The following OR5M11 variants were observed in gnomAD, a reference collection of about 807,000 sequenced individuals.
The protein encoded by OR5M11 is olfactory receptor 5M11.
For synonymous variants in OR5M11, 183 were observed against 147.7 expected (o/e 1.24, Z -1.73); for missense variants, 411 against 375.8 (o/e 1.09, Z -0.77).
chr11:56,542,725 C>T lies in OR5M11; in HGVS notation c.533G>A (p.Cys178Tyr). The T allele has an allele frequency of 6.2e-7, 1 of 1,613,756 alleles. No individual in the cohort carries two copies. Among genetic ancestry groups the T allele is most frequent in the Non-Finnish European group, 8.5e-7 (1 of 1,179,852 alleles). Reference sequence around the variant, plus strand: ...AAGCTTAATGAGCGGCGGGTCAGCACAGTAGAAGTGGTTGATGACACTGGA... The same window carrying T: ...AAGCTTAATGAGCGGCGGGTCAGCATAGTAGAAGTGGTTGATGACACTGGA... ...CRSSVINHFY[C>Y]ADPPLIKLSC... The change falls in exon 1 of 1, where the codon TGT (cysteine) becomes TAT (tyrosine). Residue 178 changes from cysteine (C) to tyrosine (Y), a missense_variant. Cys to Tyr is a radical substitution (Grantham distance 194). Coordinates refer to ENST00000528616, the MANE Select transcript of OR5M11 (RefSeq NM_001005245.1).
At position 56,542,858 on chromosome 11, in the gene OR5M11, T is replaced by A. The variant is rs918269870; in HGVS notation, c.400A>T (p.Lys134Ter). 1 of 1,613,892 alleles carries A rather than the reference T, an allele frequency of 6.2e-7. No individual in the cohort carries two copies. The highest frequency in any genetic ancestry group is 1.3e-5 in the African/African-American group (1 of 74,898). Residue 134 changes from lysine to a stop codon, truncating the protein, a stop_gained, in exon 1 of 1, where the codon AAA (lysine) becomes TAA (stop). Transcript: ENST00000528616. LOFTEE classifies it low-confidence loss of function (END_TRUNC). ...CAGATGCAAACTCTCCTGGACGTTT[T>A]CACACTGTAGCGCAGAGGGTCATAT... is the stretch of plus-strand genomic sequence containing the variant. The part of the protein sequence containing the change: ...AIYDPLRYSV[K>*]TSRRVCICLA...
At position 56,542,352 on chromosome 11, in the gene OR5M11, A is replaced by G; in HGVS notation, c.906T>C (p.Asn302=). 1.9e-6 allele frequency: 3 copies of G among 1,586,866 alleles called. No individual in the cohort carries two copies. The South Asian group carries it at 3.4e-5, about 18-fold the overall frequency. Residue 302 remains asparagine, a synonymous_variant, in exon 1 of 1, where the codon AAT becomes AAC. Coordinates refer to ENST00000528616, the MANE Select transcript of OR5M11 (RefSeq NM_001005245.1). ...TCATGACAATATTTCATCTCAGGAC[A>G]TTCTTCAAGGCCTGCTTCACATCTT... The part of the protein sequence containing the change: ...RNKDVKQALK[N]VLR
Position 56,542,475 on chromosome 11 carries a change from T to G in OR5M11, c.783A>C (p.Pro261=), listed in dbSNP as rs2134898054. ...YGTLFCMYIR[P]PTDKTVEESK... ...ATTCCTCAACAGTCTTATCTGTTGG[T>G]GGTCTTATATACATGCAAAAGAGAG... is the stretch of plus-strand genomic sequence containing the variant. The change falls in exon 1 of 1, where the codon CCA becomes CCC. Residue 261 remains proline, a synonymous_variant. Coordinates refer to ENST00000528616, the MANE Select transcript of OR5M11 (RefSeq NM_001005245.1). 6.2e-7 allele frequency: 1 copy of G among 1,613,760 alleles called. No homozygotes were observed. Among genetic ancestry groups the G allele is most frequent in the East Asian group, 2.2e-5 (1 of 44,868 alleles).
At position 56,542,642 on chromosome 11, in the gene OR5M11, G is replaced by A. The variant is rs1001565587; in HGVS notation, c.616C>T (p.Leu206Phe). The A allele has an allele frequency of 1.2e-6, 2 of 1,613,956 alleles. No homozygotes were observed. Among genetic ancestry groups the A allele is most frequent in the Non-Finnish European group, 1.7e-6 (2 of 1,179,886 alleles). ...HAMFISAGFN[L>F]SSSLTIVLVS... ...AAGACGATGGTGAGGGAGCTGGAGA[G>A]GTTGAAGCCAGCAGATATGAACATG... Residue 206 changes from leucine to phenylalanine, a missense_variant, in exon 1 of 1, where the codon CTC becomes TTC. Transcript: ENST00000528616.
Position 56,542,392 on chromosome 11 carries a change from T to A in OR5M11, c.866A>T (p.Tyr289Phe). 1 of 1,612,892 alleles carries A rather than the reference T, an allele frequency of 6.2e-7. No homozygotes were observed. The highest frequency in any genetic ancestry group is 1.7e-4 in the Middle Eastern group (1 of 6,046). ...FVSPVLNPLI[Y>F]SLRNKDVKQA... ...CTTCACATCTTTATTCCTCAGACTG[T>A]AGATCAATGGATTAAGTACCGGACT... Residue 289 changes from tyrosine to phenylalanine, a missense_variant, in exon 1 of 1, where the codon TAC (tyrosine) becomes TTC (phenylalanine). By Grantham distance (22) the Tyr-to-Phe change is conservative (BLOSUM62 3). Transcript: ENST00000528616.
In OR5M11 at chr11:56,542,526, C is replaced by G. The variant is rs779774726; in HGVS notation, c.732G>C (p.Met244Ile). Residue 244 changes from methionine to isoleucine, a missense_variant, in exon 1 of 1, where the codon ATG becomes ATC. Met to Ile is a conservative substitution (Grantham distance 10, BLOSUM62 1). Coordinates refer to ENST00000528616, the MANE Select transcript of OR5M11 (RefSeq NM_001005245.1). ...TCCCATAAAACAGGGTGACAGCCATCATATGGGAACCACAGGTGGAGAATG... is the reference window on the plus strand; with the variant it reads ...TCCCATAAAACAGGGTGACAGCCATGATATGGGAACCACAGGTGGAGAATG... ...HKAFSTCGSH[M>I]MAVTLFYGTL... The G allele has an allele frequency of 2.1e-5, 34 of 1,613,956 alleles. No homozygotes were observed. The highest frequency in any genetic ancestry group is 2.7e-5 in the Non-Finnish European group (32 of 1,179,864).
rs762943861 is a variant in OR5M11, at chr11:56,542,770, A to T, written c.488T>A (p.Phe163Tyr). Reference protein sequence around the residue: ...SDGLFQAILTFRLTFCRSSVI... With the variant: ...SDGLFQAILTYRLTFCRSSVI... Reference sequence around the variant, plus strand: ...ACTGGATCTACAGAAGGTCAGGCGGAAGGTCAGGATGGCCTGGAAGAGTCC... The same window carrying T: ...ACTGGATCTACAGAAGGTCAGGCGGTAGGTCAGGATGGCCTGGAAGAGTCC... Residue 163 changes from phenylalanine to tyrosine, a missense_variant, in exon 1 of 1, where the codon TTC becomes TAC. Transcript: ENST00000528616. 2 of 1,613,754 alleles carry T rather than the reference A, an allele frequency of 1.2e-6. No homozygotes were observed. The highest frequency in any genetic ancestry group is 1.7e-6 in the Non-Finnish European group (2 of 1,179,868).
Position 56,542,760 on chromosome 11 carries a change from G to A in OR5M11, c.498C>T (p.Thr166=). 16 of 1,613,680 alleles carry A rather than the reference G, an allele frequency of 9.9e-6. No individual in the cohort carries two copies. Among genetic ancestry groups the A allele is most frequent in the East Asian group, 2.2e-5 (1 of 44,868 alleles). ...LFQAILTFRL[T]FCRSSVINHF... is the part of the protein sequence containing the mutation. ...GGTTGATGACACTGGATCTACAGAA[G>A]GTCAGGCGGAAGGTCAGGATGGCCT... Residue 166 remains threonine (T), a synonymous_variant, in exon 1 of 1, where the codon ACC becomes ACT. Coordinates refer to ENST00000528616, the MANE Select transcript of OR5M11 (RefSeq NM_001005245.1).
rs2134898356 is a variant in OR5M11, at chr11:56,542,605, G to A, written c.653C>T (p.Ala218Val). ...SSLTIVLVSY[A>V]FILAAILRIK... is the part of the protein sequence containing the mutation. ...CCGGAGGATGGCAGCAAGAATGAAGGCATAGGACACCAAGACGATGGTGAG... is the reference window on the plus strand; with the variant it reads ...CCGGAGGATGGCAGCAAGAATGAAGACATAGGACACCAAGACGATGGTGAG... The change falls in exon 1 of 1, where the codon GCC becomes GTC. Residue 218 changes from alanine to valine, a missense_variant. Coordinates refer to ENST00000528616, the MANE Select transcript of OR5M11 (RefSeq NM_001005245.1). The A allele has an allele frequency of 6.2e-7, 1 of 1,613,998 alleles. No individual in the cohort carries two copies. Among genetic ancestry groups the A allele is most frequent in the Non-Finnish European group, 8.5e-7 (1 of 1,179,892 alleles).
chr11:56,543,029 C>T lies in OR5M11; in HGVS notation c.229G>A (p.Ala77Thr). The change falls in exon 1 of 1, where the codon GCA becomes ACA. Residue 77 changes from alanine (A) to threonine (T), a missense_variant. Physicochemically the swap from Ala to Thr is moderately conservative, Grantham distance 58. Coordinates refer to ENST00000528616, the MANE Select transcript of OR5M11 (RefSeq NM_001005245.1). ...AFVDLCYTSNATPQMSTNIVS... is the reference protein window; with the variant it reads ...AFVDLCYTSNTTPQMSTNIVS... ...ATATTAGTCGACATCTGCGGGGTTG[C>T]ATTTGATGTATAGCACAAATCCACA... 1 of 1,613,858 alleles carries T rather than the reference C, an allele frequency of 6.2e-7. No homozygotes were observed. Among genetic ancestry groups the T allele is most frequent in the Non-Finnish European group, 8.5e-7 (1 of 1,179,802 alleles).
chr11:56,542,497 A>G lies in OR5M11; in HGVS notation c.761T>C (p.Leu254Pro). ...MMAVTLFYGT[L>P]FCMYIRPPTD... is the part of the protein sequence containing the mutation. ...TGGTGGTCTTATATACATGCAAAAG[A>G]GAGTCCCATAAAACAGGGTGACAGC... Residue 254 changes from leucine (L) to proline (P), a missense_variant, in exon 1 of 1, where the codon CTC becomes CCC. Physicochemically the swap from Leu to Pro is moderately conservative, Grantham distance 98. Coordinates refer to ENST00000528616, the MANE Select transcript of OR5M11 (RefSeq NM_001005245.1). 1.9e-6 allele frequency: 3 copies of G among 1,614,016 alleles called. No individual in the cohort carries two copies. The highest frequency in any genetic ancestry group is 2.5e-6 in the Non-Finnish European group (3 of 1,179,868).
At position 56,542,787 on chromosome 11, in the gene OR5M11, G is replaced by A. The variant is rs1852852804; in HGVS notation, c.471C>T (p.Phe157=). ...TCAGGCGGAAGGTCAGGATGGCCTG[G>A]AAGAGTCCATCTGAGAAGCCATAGA... ...PYVYGFSDGL[F]QAILTFRLTF... Residue 157 remains phenylalanine (F), a synonymous_variant, in exon 1 of 1, where the codon TTC becomes TTT. Transcript: ENST00000528616. 1 of 1,613,622 alleles carries A rather than the reference G, an allele frequency of 6.2e-7. No individual in the cohort carries two copies.
chr11:56,542,397 C>T lies in OR5M11; in HGVS notation c.861G>A (p.Leu287=). ...CATCTTTATTCCTCAGACTGTAGAT[C>T]AATGGATTAAGTACCGGACTCACAA... ...YTFVSPVLNP[L]IYSLRNKDVK... The change falls in exon 1 of 1, where the codon TTG becomes TTA. Residue 287 remains leucine, a synonymous_variant. Coordinates refer to ENST00000528616, the MANE Select transcript of OR5M11 (RefSeq NM_001005245.1). The T allele has an allele frequency of 1.2e-6, 2 of 1,612,946 alleles. No homozygotes were observed. The highest frequency in any genetic ancestry group is 1.1e-5 in the South Asian group (1 of 90,914).
In OR5M11 at chr11:56,542,553, C is replaced by T; in HGVS notation, c.705G>A (p.Lys235=). 1.2e-6 allele frequency: 2 copies of T among 1,613,940 alleles called. No homozygotes were observed. Among genetic ancestry groups the T allele is most frequent in the Non-Finnish European group, 1.7e-6 (2 of 1,179,866 alleles). Reference sequence around the variant, plus strand: ...TATGGGAACCACAGGTGGAGAATGCCTTGTGCCTTCCCTCTGCTGATTTGA... The same window carrying T: ...TATGGGAACCACAGGTGGAGAATGCTTTGTGCCTTCCCTCTGCTGATTTGA... ...LRIKSAEGRH[K]AFSTCGSHMM... Residue 235 remains lysine (K), a synonymous_variant, in exon 1 of 1, where the codon AAG becomes AAA. Coordinates refer to ENST00000528616, the MANE Select transcript of OR5M11 (RefSeq NM_001005245.1).
At position 56,542,875 on chromosome 11, in the gene OR5M11, G is replaced by T. The variant is rs746722326; in HGVS notation, c.383C>A (p.Pro128His). The change falls in exon 1 of 1, where the codon CCT (proline) becomes CAT (histidine). Residue 128 changes from proline to histidine, a missense_variant. Coordinates refer to ENST00000528616, the MANE Select transcript of OR5M11 (RefSeq NM_001005245.1). Reference protein sequence around the residue: ...AYDRYVAIYDPLRYSVKTSRR... With the variant: ...AYDRYVAIYDHLRYSVKTSRR... ...GGACGTTTTCACACTGTAGCGCAGAGGGTCATATATGGCCACATAGCGGTC... is the reference window on the plus strand; with the variant it reads ...GGACGTTTTCACACTGTAGCGCAGATGGTCATATATGGCCACATAGCGGTC... The T allele has an allele frequency of 1.2e-6, 2 of 1,614,054 alleles. No homozygotes were observed. The highest frequency in any genetic ancestry group is 2.2e-5 in the East Asian group (1 of 44,882).
rs1852863800 is a variant in OR5M11 at position 56,543,243 on chromosome 11, A to G, written c.15T>C (p.Asn5=). 2 of 1,612,744 alleles carry G rather than the reference A, an allele frequency of 1.2e-6. No homozygotes were observed. Among genetic ancestry groups the G allele is most frequent in the Admixed American group, 1.7e-5 (1 of 59,990 alleles). Reference sequence around the variant, plus strand: ...AAATGAATTCTGTGATTGCACTGCCATTTGTGTTGGACATTTCCTGACAGT... The same window carrying G: ...AAATGAATTCTGTGATTGCACTGCCGTTTGTGTTGGACATTTCCTGACAGT... MSNT[N]GSAITEFILL... Residue 5 remains asparagine (N), a synonymous_variant, in exon 1 of 1, where the codon AAT becomes AAC. Coordinates refer to ENST00000528616, the MANE Select transcript of OR5M11 (RefSeq NM_001005245.1).
chr11:56,542,682 A>C lies in OR5M11; in HGVS notation c.576T>G (p.Tyr192Ter). Residue 192 changes from tyrosine to a stop codon, truncating the protein, a stop_gained, in exon 1 of 1, where the codon TAT (tyrosine) becomes TAG (stop). Transcript: ENST00000528616. LOFTEE classifies it low-confidence loss of function (END_TRUNC). Reference sequence around the variant, plus strand: ...ATATGAACATGGCATGCTCTTTGACATAAGTATCAGAACAAGAAAGCTTAA... The same window carrying C: ...ATATGAACATGGCATGCTCTTTGACCTAAGTATCAGAACAAGAAAGCTTAA... ...PLIKLSCSDT[Y>*]VKEHAMFISA... 1 of 1,613,984 alleles carries C rather than the reference A, an allele frequency of 6.2e-7. No individual in the cohort carries two copies. Among genetic ancestry groups the C allele is most frequent in the Non-Finnish European group, 8.5e-7 (1 of 1,179,892 alleles).
chr11:56,542,461 G>C lies in OR5M11; in HGVS notation c.797C>G (p.Thr266Ser). ...AGCTATTATTTTAGATTCCTCAACA[G>C]TCTTATCTGTTGGTGGTCTTATATA... ...CMYIRPPTDK[T>S]VEESKIIAVF... The change falls in exon 1 of 1, where the codon ACT (threonine) becomes AGT (serine). Residue 266 changes from threonine (T) to serine (S), a missense_variant. Physicochemically the swap from Thr to Ser is moderately conservative, Grantham distance 58. Coordinates refer to ENST00000528616, the MANE Select transcript of OR5M11 (RefSeq NM_001005245.1). 1 of 1,613,742 alleles carries C rather than the reference G, an allele frequency of 6.2e-7. No individual in the cohort carries two copies. Among genetic ancestry groups the C allele is most frequent in the South Asian group, 1.1e-5 (1 of 91,078 alleles).
Position 56,543,001 on chromosome 11 carries a change from A to G in OR5M11, c.257T>C (p.Val86Ala), listed in dbSNP as rs1852857316. Residue 86 changes from valine (V) to alanine (A), a missense_variant, in exon 1 of 1, where the codon GTA becomes GCA. Val to Ala is a moderately conservative substitution (Grantham distance 64). Coordinates refer to ENST00000528616, the MANE Select transcript of OR5M11 (RefSeq NM_001005245.1). ...NATPQMSTNI[V>A]SEKTISFAGC... is the part of the protein sequence containing the mutation. The stretch of plus-strand genomic sequence containing the variant: ...AGCAAAGGAAATGGTCTTCTCAGAT[A>G]CGATATTAGTCGACATCTGCGGGGT... The G allele has an allele frequency of 2.5e-6, 4 of 1,613,924 alleles. No homozygotes were observed. The East Asian group carries it at 8.9e-5, about 36-fold the overall frequency.
Sources: gnomAD v4.1 joint callset for allele counts on GRCh38, gnomAD v4.1.1 for gene constraint, MANE v1.5 for transcripts, NCBI Gene and HGNC (gene_info 2026-07-23, HGNC 2026-07-21) for gene names.